FUT8: variants seen among roughly 807,000 people sequenced by gnomAD.
The protein encoded by FUT8 is alpha-(1,6)-fucosyltransferase.
In FUT8, 29 loss-of-function variants were observed where a neutral mutation model predicts 71.3. The ratio of observed to expected loss-of-function variants is 0.41; its 90% confidence interval spans 0.30 to 0.55. The LOEUF (loss-of-function observed/expected upper bound fraction) is 0.55. Ranked by LOEUF, FUT8 falls within the 20% of genes least tolerant of loss-of-function variation. The probability of loss-of-function intolerance (pLI) is 0.34; values close to 1 mark genes in which losing one functional copy is unlikely to be tolerated. For synonymous variants in FUT8, 254 were observed against 239.3 expected (o/e 1.06, Z -0.57); for missense variants, 544 against 702.1 (o/e 0.77, Z 2.55).
chr14:65,437,725 G>A (rs1313623818), intron 1 of FUT8, among the ~76,000 whole-genome samples: 1 of 152,214 alleles, frequency 6.6e-6, no homozygotes, highest in East Asian at 1.9e-4. Flanking sequence ...ATTACCCATA[G>A]TGATTACAAT....
Position 65,413,587 on chromosome 14 carries a change from T to A in FUT8, c.-326+373T>A, listed in dbSNP as rs1259347675. Reference sequence around the variant, plus strand: ...GTGTCCGTCGTTTCCCCTCCACACCTACCTTCCCTTCGTCAGCAGCTCGGT... The same window carrying A: ...GTGTCCGTCGTTTCCCCTCCACACCAACCTTCCCTTCGTCAGCAGCTCGGT... On this transcript the variant is annotated intron_variant, in intron 1 of 10. Coordinates refer to ENST00000673929, the MANE Select transcript of FUT8 (RefSeq NM_001371533.1). This position sits in a 1 kb window ranked among gnomAD's most constrained non-coding sequence, Gnocchi z 4.1. 6.6e-6 allele frequency among the ~76,000 whole-genome samples: 1 copy of A among 152,150 alleles called. No individual in the cohort carries two copies. Among genetic ancestry groups the A allele is most frequent in the Non-Finnish European group, 1.5e-5 (1 of 67,994 alleles).
chr14:65,649,544 A>C (rs1891265365), intron 6 of FUT8, among the ~76,000 whole-genome samples: 2 of 152,334 alleles, frequency 1.3e-5, no homozygotes, highest in Non-Finnish European at 1.5e-5. Context: ...CAAAGGACCT[A>C]GTGCCCTGCC....
intron 3 of FUT8, among the ~76,000 whole-genome samples, chr14:65,598,309 G>T (rs1287231275): frequency 1.3e-5 from 2 of 151,970 alleles, no homozygotes; most frequent in Non-Finnish European, 2.9e-5. Flanking sequence ...TGCAACCTCT[G>T]CCACCCAGGT....
chr14:65,535,357 TC>T (rs770012420), intron 2 of FUT8, among the ~76,000 whole-genome samples: 4 of 152,194 alleles, frequency 2.6e-5, no homozygotes, highest in Admixed American at 6.5e-5. Context: ...TGCCTTGGCC[TC>T]CCAAAGTGCT....
rs932889325 is a variant in FUT8, at chr14:65,720,578, G to C, written c.836-1197G>C. 1.8e-4 allele frequency among the ~76,000 whole-genome samples: 28 copies of C among 152,232 alleles called. 1 individual carries two copies. The highest frequency in any genetic ancestry group is 2.9e-5 in the Non-Finnish European group (2 of 68,034). ...CTGTGAACTGCACTGCCTTAGATTA[G>C]GGAAAGGGTGGCATAAGCACTGCCT... is the stretch of plus-strand genomic sequence containing the variant. On this transcript the variant is annotated intron_variant, in intron 7 of 10. Coordinates refer to ENST00000673929, the MANE Select transcript of FUT8 (RefSeq NM_001371533.1).
Position 65,660,434 on chromosome 14 carries a change from G to C in FUT8, c.598-8809G>C, listed in dbSNP as rs1322975514. ...AATGTGGCTTTACTTACCAAGATAA[G>C]CTTTCCTCTTCTATGACCATATAGT... On this transcript the variant is annotated intron_variant, in intron 6 of 10. Transcript: ENST00000673929. The surrounding 1 kb of genome is among the most constrained non-coding windows in gnomAD (Gnocchi z 4.1). Among the ~76,000 whole-genome samples, 2 of 152,126 alleles carry C rather than the reference G, an allele frequency of 1.3e-5. No homozygotes were observed. The highest frequency in any genetic ancestry group is 1.9e-4 in the East Asian group (1 of 5,204).
At chr14:65,470,697 T>C (rs2066130319) in intron 2 of FUT8, among the ~76,000 whole-genome samples, 1 of 152,036 alleles carries the variant, frequency 6.6e-6, no homozygotes, top group South Asian at 2.1e-4. Flanking sequence ...CGGGCAGCCC[T>C]GCACAGAGCC....
At chr14:65,601,489 T>A (rs1420466090) in intron 3 of FUT8, among the ~76,000 whole-genome samples, 9 of 152,196 alleles carry the variant, frequency 5.9e-5, no homozygotes, top group Non-Finnish European at 1.0e-4. Context: ...CCGAATTATG[T>A]TAATCTTAGT....
chr14:65,498,247 T>C (rs989072968), intron 2 of FUT8, among the ~76,000 whole-genome samples: 3 of 152,194 alleles, frequency 2.0e-5, no homozygotes, highest in Non-Finnish European at 4.4e-5. Context: ...TTTTTTAGAT[T>C]CTTCAAGTAA....
chr14:65,655,459 G>C (rs1891631368), intron 6 of FUT8, among the ~76,000 whole-genome samples: 1 of 139,636 alleles, frequency 7.2e-6, no homozygotes, highest in Non-Finnish European at 1.5e-5. Context: ...CTGGGCGACA[G>C]AGCAAGACTC....
chr14:65,535,629 G>C (rs1177364060), intron 2 of FUT8, among the ~76,000 whole-genome samples: 1 of 152,120 alleles, frequency 6.6e-6, no homozygotes, highest in Non-Finnish European at 1.5e-5. Flanking sequence ...TTTTTATTAT[G>C]CTGTGTTCCG....
At chr14:65,439,955 T>TGTGTAC (rs1555360997) in intron 1 of FUT8, among the ~76,000 whole-genome samples, 169 of 15,090 alleles carry the variant, frequency 0.011, 7 homozygotes, top group African/African-American at 0.032. Flanking sequence ...TGTGTGTGTG[T>TGTGTAC]ATATATATAT....
intron 2 of FUT8, among the ~76,000 whole-genome samples, chr14:65,519,728 T>C (rs1018841884): frequency 6.6e-6 from 1 of 152,146 alleles, no homozygotes; most frequent in East Asian, 1.9e-4. Flanking sequence ...TTAACCAGAG[T>C]TCACTTTGAT....
At chr14:65,573,731 T>A (rs1025228704) in intron 3 of FUT8, among the ~76,000 whole-genome samples, 1 of 143,282 alleles carries the variant, frequency 7.0e-6, no homozygotes, top group African/African-American at 2.6e-5. Context: ...GAGACCCCCA[T>A]GTCTAAAAAA....
chr14:65,497,136 A>G (rs946924770), intron 2 of FUT8, among the ~76,000 whole-genome samples: 4 of 152,204 alleles, frequency 2.6e-5, no homozygotes, highest in Non-Finnish European at 4.4e-5. Flanking sequence ...TAGAGTATGT[A>G]AAAGTTCATT....
chr14:65,530,984 C>A (rs1883920782), intron 2 of FUT8, among the ~76,000 whole-genome samples: 1 of 141,784 alleles, frequency 7.1e-6, no homozygotes, highest in Non-Finnish European at 1.6e-5. Flanking sequence ...AACTTTTTAC[C>A]AATAAAAAAA....
chr14:65,582,205 G>A (rs761230545), intron 3 of FUT8, among the ~76,000 whole-genome samples: 1 of 151,846 alleles, frequency 6.6e-6, no homozygotes, highest in Non-Finnish European at 1.5e-5. Context: ...TCCAGTTATG[G>A]TTGTATATCC....
intron 2 of FUT8, among the ~76,000 whole-genome samples, chr14:65,497,166 C>T (rs2066572138): frequency 6.6e-6 from 1 of 152,038 alleles, no homozygotes; most frequent in African/African-American, 2.4e-5. Flanking sequence ...AATATATGTC[C>T]AGTAACCGGT....
At chr14:65,417,821 C>T (rs899264101) in intron 1 of FUT8, among the ~76,000 whole-genome samples, 25 of 152,090 alleles carry the variant, frequency 1.6e-4, no homozygotes, top group African/African-American at 5.8e-4. Flanking sequence ...ACTTCTTCCT[C>T]GAAGCACTGG....
Sources: allele counts gnomAD v4.1 joint callset (sites outside exome capture counted in the v4.1 genomes callset), GRCh38; gene constraint gnomAD v4.1.1; non-coding constraint Gnocchi (gnomAD v3.1); transcripts MANE v1.5; gene names NCBI Gene and HGNC (gene_info 2026-07-23, HGNC 2026-07-21).